COL6A1: variants seen among roughly 807,000 people sequenced by gnomAD.
COL6A1 encodes collagen alpha-1(VI) chain.
In COL6A1, 80 loss-of-function variants were observed where a neutral mutation model predicts 145.6. That is an observed-to-expected ratio of 0.55 (90% CI 0.46 to 0.66). The LOEUF is 0.66. Among genes scored for constraint, COL6A1 ranks in the 30% least tolerant of loss-of-function variants. COL6A1 has a pLI of 0.00. For missense variants in COL6A1, 1,364 were observed against 1,473.8 expected, an observed-to-expected ratio of 0.93 and a Z score of 1.22; for synonymous variants, 638 against 622.8, an observed-to-expected ratio of 1.02 and a Z score of -0.36.
At chr21:45,987,793 G>GTCCA in intron 8 of COL6A1, 139 bp downstream of exon 8, 6 of 484,554 alleles carry the variant, frequency 1.2e-5, no homozygotes, top group Non-Finnish European at 2.0e-5. Flanking sequence ...GGACGGCGGG[G>GTCCA]GTCCAGATGG....
At chr21:45,990,459 AGGAGGAATGG>A (rs2077768839) in intron 13 of COL6A1, 37 bp downstream of exon 13, 22 of 189,018 alleles carry the variant, frequency 1.2e-4, no homozygotes, top group Middle Eastern at 1.1e-3. Flanking sequence ...GGGAGGGACG[AGGAGGAATGG>A]GGCGAGATGG....
chr21:46,003,916 C>G lies in COL6A1; in HGVS notation c.2990C>G (p.Ala997Gly). ...GGCAAGACGGCCGAGTACGACGTGG[C>G]CTACGGCGAGAGCCACCTGTTCCGT... Reference protein sequence around the residue: ...VTGKTAEYDVAYGESHLFRVP... With the variant: ...VTGKTAEYDVGYGESHLFRVP... The change falls in exon 35 of 35, where the codon GCC (alanine) becomes GGC (glycine). Residue 997 changes from alanine to glycine, a missense_variant. By Grantham distance (60) the Ala-to-Gly change is moderately conservative. Transcript: ENST00000361866. 6.2e-7 allele frequency: 1 copy of G among 1,608,032 alleles called. No homozygotes were observed. Among genetic ancestry groups the G allele is most frequent in the African/African-American group, 1.3e-5 (1 of 74,978 alleles).
In COL6A1 at chr21:46,000,780, C is replaced by G. The variant is rs749224383; in HGVS notation, c.1822+13C>G. The G allele has an allele frequency of 6.2e-7, 1 of 1,613,878 alleles. No individual in the cohort carries two copies. Among genetic ancestry groups the G allele is most frequent in the South Asian group, 1.1e-5 (1 of 91,090 alleles). ...TCAGCTTGCTGTGGTGAGACCCAGG[C>G]TCTAGCTCCTGAGAGAATGGATCCC... On this transcript the variant is annotated intron_variant, in intron 29 of 34. Transcript: ENST00000361866.
At chr21:45,982,206 G>C (rs2077711658) in intron 1 of COL6A1, among the ~76,000 whole-genome samples, 1 of 152,228 alleles carries the variant, frequency 6.6e-6, no homozygotes, top group Admixed American at 6.5e-5. Flanking sequence ...CTGGCGAGGG[G>C]GAGCTGGTGC....
chr21:45,989,879 C>T, intron 11 of COL6A1, 101 bp downstream of exon 11: 1 of 1,478,366 alleles, frequency 6.8e-7, no homozygotes, highest in Non-Finnish European at 9.4e-7. Flanking sequence ...TGACAGGAGA[C>T]CACGTGTCCT....
intron 1 of COL6A1, 103 bp from the exon 2 acceptor site, chr21:45,982,531 G>A: frequency 1.3e-6 from 2 of 1,550,338 alleles, no homozygotes; most frequent in Non-Finnish European, 1.8e-6. Context: ...CCGGGCCCGG[G>A]GCTCTGTGCT....
intron 2 of COL6A1, among the ~76,000 whole-genome samples, chr21:45,983,466 G>T (rs1423008832): frequency 6.6e-6 from 1 of 152,096 alleles, no homozygotes; most frequent in Admixed American, 6.5e-5. Flanking sequence ...CTTAGCCGGC[G>T]TAGGAACCCC....
rs938942835 is a variant in COL6A1, at chr21:45,981,782, C to T, written c.-69C>T. ...TCTGGCTGGGAGCAGAAGGCAGCCT[C>T]GGTCTCTGGGCGGCGGCGGCGGCCC... is the stretch of plus-strand genomic sequence containing the variant. On this transcript the variant is annotated 5_prime_UTR_variant, in exon 1 of 35. Coordinates refer to ENST00000361866, the MANE Select transcript of COL6A1 (RefSeq NM_001848.3). 1.1e-5 allele frequency: 13 copies of T among 1,237,024 alleles called. No individual in the cohort carries two copies. Among genetic ancestry groups the T allele is most frequent in the South Asian group, 2.7e-5 (2 of 74,100 alleles). 76.6% of individuals were successfully genotyped at this position (1,237,024 alleles called of 1,614,324 possible).
chr21:45,994,825 T>A lies in COL6A1; in HGVS notation c.1398+596T>A, dbSNP rs2077796005. ...TTGCCCGCAGGCTGGGCTGGGCCGT[T>A]GCATCCTCCCGGAGCTCACCTGCCC... On this transcript the variant is annotated intron_variant, in intron 20 of 34. Coordinates refer to ENST00000361866, the MANE Select transcript of COL6A1 (RefSeq NM_001848.3). This position sits in a 1 kb window ranked among gnomAD's most constrained non-coding sequence, Gnocchi z 6.8. Among the ~76,000 whole-genome samples the A allele has an allele frequency of 6.6e-6, 1 of 152,202 alleles. No homozygotes were observed.
At position 45,984,282 on chromosome 21, in the gene COL6A1, G is replaced by C; in HGVS notation, c.241G>C (p.Asp81His). 6.2e-7 allele frequency: 1 copy of C among 1,608,612 alleles called. No individual in the cohort carries two copies. The highest frequency in any genetic ancestry group is 1.3e-5 in the African/African-American group (1 of 74,970). The change falls in exon 3 of 35, where the codon GAC becomes CAC. Residue 81 changes from aspartate to histidine, a missense_variant. Transcript: ENST00000361866. Reference sequence around the variant, plus strand: ...TGTTCCTGGCAGGTACTACCGCTGTGACCGAAACCTGGTGTGGAACGCAGG... The same window carrying C: ...TGTTCCTGGCAGGTACTACCGCTGTCACCGAAACCTGGTGTGGAACGCAGG... ...DNLRDRYYRC[D>H]RNLVWNAGAL...
chr21:45,989,494 C>A, intron 9 of COL6A1, 114 bp from the exon 10 acceptor site: 5 of 1,081,852 alleles, frequency 4.6e-6, no homozygotes, highest in Non-Finnish European at 7.1e-6. Context: ...TGCAGCAGGG[C>A]CCCTCTCTCG....
At position 46,000,758 on chromosome 21, in the gene COL6A1, G is replaced by C; in HGVS notation, c.1814-1G>C. ...TAACTGACTCTTTCTCTTCTCCTCAGCTTGCTGTGGTGAGACCCAGGCTCT... is the reference window on the plus strand; with the variant it reads ...TAACTGACTCTTTCTCTTCTCCTCACCTTGCTGTGGTGAGACCCAGGCTCT... On this transcript the variant is annotated splice_acceptor_variant, in intron 28 of 34. Coordinates refer to ENST00000361866, the MANE Select transcript of COL6A1 (RefSeq NM_001848.3). LOFTEE classifies it high-confidence loss of function. The C allele has an allele frequency of 6.2e-7, 1 of 1,613,960 alleles. No individual in the cohort carries two copies. The highest frequency in any genetic ancestry group is 8.5e-7 in the Non-Finnish European group (1 of 1,179,906).
At chr21:45,995,583 T>C (rs1053251991) in intron 20 of COL6A1, among the ~76,000 whole-genome samples, 1 of 152,314 alleles carries the variant, frequency 6.6e-6, no homozygotes, top group African/African-American at 2.4e-5. Context: ...AAGTAATCAA[T>C]AGCCACTATA....
At chr21:45,990,500 G>A (rs1248080679) in intron 13 of COL6A1, 78 bp downstream of exon 13, 5 of 700,718 alleles carry the variant, frequency 7.1e-6, no homozygotes, top group South Asian at 1.7e-5. Context: ...AGTGGACGGC[G>A]TGAAGGTGAC....
At chr21:45,993,547 G>A (rs572337014) in intron 19 of COL6A1, among the ~76,000 whole-genome samples, 1 of 152,230 alleles carries the variant, frequency 6.6e-6, no homozygotes, top group Non-Finnish European at 1.5e-5. Context: ...TGCGACTGTC[G>A]TGTGCTGTGA....
At chr21:45,999,793 G>A (rs1306729864) in intron 27 of COL6A1, 101 bp downstream of exon 27, 4 of 828,672 alleles carry the variant, frequency 4.8e-6, no homozygotes, top group African/African-American at 6.7e-5. Flanking sequence ...CGCTGCTCAC[G>A]GGGGGGTGGG....
chr21:45,985,352 G>T (rs745513091), intron 3 of COL6A1, among the ~76,000 whole-genome samples: 14 of 147,060 alleles, frequency 9.5e-5, no homozygotes, highest in Non-Finnish European at 2.0e-4. Context: ...AAAGACAGAG[G>T]CAGAGAGACA....
chr21:45,998,818 A>T (rs11405293), intron 24 of COL6A1, 79 bp from the exon 25 acceptor site: 31 of 1,307,778 alleles, frequency 2.4e-5, no homozygotes, highest in Non-Finnish European at 3.2e-5. Context: ...TCTTATCTTT[A>T]TTTTTTTCCT....
intron 11 of COL6A1, 79 bp downstream of exon 11, chr21:45,989,857 G>A (rs994772602): frequency 8.9e-6 from 14 of 1,577,474 alleles, no homozygotes; most frequent in Admixed American, 1.7e-5. Context: ...CCGGGGATGA[G>A]GACAGTGTCC....
Sources: gnomAD v4.1 joint callset for allele counts (sites outside exome capture counted in the v4.1 genomes callset) on GRCh38, gnomAD v4.1.1 for gene constraint, Gnocchi (gnomAD v3.1) non-coding constraint, MANE v1.5 for transcripts, NCBI Gene and HGNC (gene_info 2026-07-23, HGNC 2026-07-21) for gene names.